Variants in PDLIM1 observed in about 807,000 individuals in gnomAD.
PDLIM1 encodes PDZ and LIM domain protein 1.
Under a neutral mutation model 35.2 loss-of-function variants are expected in PDLIM1, and 25 were observed. The ratio of observed to expected loss-of-function variants is 0.71; its 90% CI spans 0.52 to 0.99. PDLIM1 has a LOEUF of 0.99. Among genes scored for constraint, PDLIM1 ranks in the 50% least tolerant of loss-of-function variants. PDLIM1 has a pLI of 0.00. For synonymous variants in PDLIM1, 152 were observed against 154.0 expected (o/e 0.99, Z 0.10); for missense variants, 363 against 415.3 (o/e 0.87, Z 1.09).
At chr10:95,284,386 T>C (rs1363068677) in intron 1 of PDLIM1, among the ~76,000 whole-genome samples, 2 of 152,100 alleles carry the variant, frequency 1.3e-5, no homozygotes, top group African/African-American at 4.8e-5. Context: ...GGAGTTTCGC[T>C]CTTGTTGCCC....
chr10:95,280,668 A>C (rs1236955250), intron 1 of PDLIM1, among the ~76,000 whole-genome samples: 2 of 152,224 alleles, frequency 1.3e-5, no homozygotes, highest in East Asian at 1.9e-4. Flanking sequence ...AATGGTTCTC[A>C]GGCAGAGGTT....
rs144603262 is a variant in PDLIM1 at position 95,252,933 on chromosome 10, C to A, written c.534-5567G>T. 5.3e-5 allele frequency among the ~76,000 whole-genome samples: 8 copies of A among 152,064 alleles called. No homozygotes were observed. In the East Asian group the frequency reaches 1.5e-3, roughly 29 times the overall value. Reference sequence around the variant, plus strand: ...GATCAAAAATTCATGTCAATGGAGTCTTGGAAGAAGAGAAAAAAGGTGGAA... The same window carrying A: ...GATCAAAAATTCATGTCAATGGAGTATTGGAAGAAGAGAAAAAAGGTGGAA... On this transcript the variant is annotated intron_variant, in intron 4 of 6. Transcript: ENST00000329399.
At position 95,255,900 on chromosome 10, in the gene PDLIM1, TACAC is replaced by T. The variant is rs59292355; in HGVS notation, c.533+7960_533+7963del. ...GAAAACCCTAAAGATCCCCCCCCAC[TACAC>T]ACACACACACACACACACACACACA... On this transcript the variant is annotated intron_variant, in intron 4 of 6. Coordinates refer to ENST00000329399, the MANE Select transcript of PDLIM1 (RefSeq NM_020992.4). Among the ~76,000 whole-genome samples, 1,157 of 138,946 alleles carry T rather than the reference TACAC, an allele frequency of 8.3e-3. 14 individuals are homozygous for T. The highest frequency in any genetic ancestry group is 0.024 in the African/African-American group (889 of 37,530). The allele number at this position is 138,946 out of a possible 152,430, so 91.2% of individuals were successfully genotyped here.
At chr10:95,246,598 CA>C (rs1468177592) in intron 5 of PDLIM1, among the ~76,000 whole-genome samples, 15 of 152,266 alleles carry the variant, frequency 9.9e-5, no homozygotes, top group Non-Finnish European at 1.6e-4. Context: ...ATTTCATGAC[CA>C]TGATAATCTT....
intron 5 of PDLIM1, among the ~76,000 whole-genome samples, chr10:95,242,816 T>G (rs2035189660): frequency 6.6e-6 from 1 of 152,194 alleles, no homozygotes; most frequent in Non-Finnish European, 1.5e-5. Context: ...CCCAAACGGA[T>G]TCCCTCATTT....
chr10:95,262,987 A>C (rs1384049011), intron 4 of PDLIM1, among the ~76,000 whole-genome samples: 1 of 151,978 alleles, frequency 6.6e-6, no homozygotes, highest in Admixed American at 6.5e-5. Context: ...CTACAAAAAA[A>C]AGTAAAACTT....
chr10:95,257,038 G>GAAAGA (rs1440640324), intron 4 of PDLIM1, among the ~76,000 whole-genome samples: 4 of 129,774 alleles, frequency 3.1e-5, no homozygotes, highest in East Asian at 2.1e-4. Context: ...AAGAAAGAAA[G>GAAAGA]AATTCAAAAT....
intron 6 of PDLIM1, 123 bp downstream of exon 6, chr10:95,238,445 G>C: frequency 1.4e-6 from 1 of 726,714 alleles, no homozygotes; most frequent in Middle Eastern, 3.9e-4. Context: ...CCTCTCTGTT[G>C]CATTTTTCCA....
chr10:95,259,528 T>C (rs1228374422), intron 4 of PDLIM1, among the ~76,000 whole-genome samples: 1 of 152,100 alleles, frequency 6.6e-6, no homozygotes, highest in Non-Finnish European at 1.5e-5. Flanking sequence ...TAAGTTTTGG[T>C]CTTCAAAGGC....
At chr10:95,246,682 C>T (rs1409376581) in intron 5 of PDLIM1, among the ~76,000 whole-genome samples, 1 of 152,174 alleles carries the variant, frequency 6.6e-6, no homozygotes, top group Admixed American at 6.5e-5. Context: ...TGCCAAAGGT[C>T]ACAGAATAAG....
chr10:95,256,736 C>T (rs1288873387), intron 4 of PDLIM1, among the ~76,000 whole-genome samples: 1 of 152,018 alleles, frequency 6.6e-6, no homozygotes. Flanking sequence ...CTTTGGGAGG[C>T]TGAGGCAGGC....
At chr10:95,253,591 G>A (rs1232431280) in intron 4 of PDLIM1, among the ~76,000 whole-genome samples, 1 of 151,772 alleles carries the variant, frequency 6.6e-6, no homozygotes, top group African/African-American at 2.4e-5. Flanking sequence ...GGGAGGTGGA[G>A]GTGGCAGTAA....
chr10:95,244,980 T>C (rs1334774339), intron 5 of PDLIM1, among the ~76,000 whole-genome samples: 1 of 152,194 alleles, frequency 6.6e-6, no homozygotes, highest in Non-Finnish European at 1.5e-5. Flanking sequence ...ATGTTTAGAA[T>C]GGAATTTATC....
At chr10:95,285,262 G>C (rs898839502) in intron 1 of PDLIM1, among the ~76,000 whole-genome samples, 2 of 152,116 alleles carry the variant, frequency 1.3e-5, no homozygotes, top group African/African-American at 4.8e-5. Context: ...TTTCTGAGGT[G>C]CTCTGAGCTG....
At chr10:95,257,688 C>T (rs1438271284) in intron 4 of PDLIM1, among the ~76,000 whole-genome samples, 3 of 152,064 alleles carry the variant, frequency 2.0e-5, no homozygotes, top group East Asian at 1.9e-4. Context: ...GGAGCCCTTG[C>T]GTATTGATGA....
intron 1 of PDLIM1, among the ~76,000 whole-genome samples, chr10:95,284,283 G>C (rs879652973): frequency 6.6e-6 from 1 of 152,036 alleles, no homozygotes; most frequent in African/African-American, 2.4e-5. Context: ...AGAAGCATAA[G>C]TATTTTTTAT....
At chr10:95,251,889 T>C (rs1184785186) in intron 4 of PDLIM1, among the ~76,000 whole-genome samples, 7 of 152,190 alleles carry the variant, frequency 4.6e-5, no homozygotes, top group African/African-American at 7.2e-5. Flanking sequence ...CAGGGTGTTC[T>C]TGTTTCCTTG....
intron 1 of PDLIM1, among the ~76,000 whole-genome samples, chr10:95,272,695 TA>T (rs35563831): frequency 0.083 from 12,564 of 151,466 alleles, 664 homozygotes; most frequent in Middle Eastern, 0.16. Context: ...AATAAAAATT[TA>T]AAAAAAAATT....
At chr10:95,263,006 G>T (rs1256324988) in intron 4 of PDLIM1, among the ~76,000 whole-genome samples, 3 of 151,968 alleles carry the variant, frequency 2.0e-5, no homozygotes, top group Non-Finnish European at 4.4e-5. Flanking sequence ...TTAGCCAAGT[G>T]TGGTGGCACA....
Sources: gnomAD v4.1 joint callset for allele counts (sites outside exome capture counted in the v4.1 genomes callset) on GRCh38, gnomAD v4.1.1 for gene constraint, MANE v1.5 for transcripts, NCBI Gene and HGNC (gene_info 2026-07-23, HGNC 2026-07-21) for gene names.